The following FHAD1 variants were observed in gnomAD, a reference collection of about 807,000 sequenced individuals.
FHAD1 encodes the protein forkhead associated phosphopeptide binding domain 1.
In FHAD1, 146 loss-of-function variants were observed where a neutral mutation model predicts 191.3. The ratio of observed to expected loss-of-function variants is 0.76; its 90% CI spans 0.67 to 0.88. The LOEUF is 0.88. Among genes scored for constraint, FHAD1 ranks in the 40% least tolerant of loss-of-function variants. The pLI, the probability that FHAD1 is intolerant of heterozygous loss-of-function variation, is 0.00. For synonymous variants in FHAD1, 616 were observed against 672.3 expected (o/e 0.92, Z 1.29); for missense variants, 1,635 against 1,785.8 (o/e 0.92, Z 1.52).
At chr1:15,357,167 C>T (rs1395948526) in intron 20 of FHAD1, among the ~76,000 whole-genome samples, 1 of 152,170 alleles carries the variant, frequency 6.6e-6, no homozygotes, top group Admixed American at 6.5e-5. Flanking sequence ...AAGGTCACAG[C>T]AGTTTGCACC....
intron 15 of FHAD1, among the ~76,000 whole-genome samples, chr1:15,340,281 A>G (rs1686003413): frequency 6.6e-6 from 1 of 152,270 alleles, no homozygotes; most frequent in Non-Finnish European, 1.5e-5. Context: ...TTGCCATAAT[A>G]GTATTATATA....
At position 15,367,734 on chromosome 1, in the gene FHAD1, T is replaced by C. The variant is rs181010761; in HGVS notation, c.3314+112T>C. 975 of 837,894 alleles carry C rather than the reference T, an allele frequency of 1.2e-3. 4 individuals are homozygous for C. Among genetic ancestry groups the C allele is most frequent in the Non-Finnish European group, 1.5e-3 (839 of 546,232 alleles). The allele number at this position is 837,894 out of a possible 1,614,324, so 51.9% of individuals were successfully genotyped here. Reference sequence around the variant, plus strand: ...CTGCTTGAGGAGTTGAATGAATGAATGATATGTGTTTCATGGCTTGGCTTA... The same window carrying C: ...CTGCTTGAGGAGTTGAATGAATGAACGATATGTGTTTCATGGCTTGGCTTA... On this transcript the variant is annotated intron_variant, in intron 25 of 33. Transcript: ENST00000688493.
At chr1:15,321,788 T>C (rs1363033298) in intron 10 of FHAD1, among the ~76,000 whole-genome samples, 1 of 152,228 alleles carries the variant, frequency 6.6e-6, no homozygotes, top group Non-Finnish European at 1.5e-5. Flanking sequence ...ATTGTGCATG[T>C]TTGCATGCAC....
chr1:15,306,620 C>A (rs917051912), intron 6 of FHAD1, among the ~76,000 whole-genome samples: 5 of 152,192 alleles, frequency 3.3e-5, no homozygotes, highest in African/African-American at 1.2e-4. Flanking sequence ...TATATCCCAC[C>A]CACTCCAACC....
chr1:15,259,426 G>A (rs893590049), intron 2 of FHAD1, among the ~76,000 whole-genome samples: 1 of 152,096 alleles, frequency 6.6e-6, no homozygotes, highest in African/African-American at 2.4e-5. Flanking sequence ...CGGGGACGGT[G>A]GGGCTGAGTT....
At position 15,362,582 on chromosome 1, in the gene FHAD1, T is replaced by C. The variant is rs1169741188; in HGVS notation, c.2963-60T>C. 9.4e-6 allele frequency: 13 copies of C among 1,385,100 alleles called. No individual in the cohort carries two copies. In the Middle Eastern group the frequency reaches 7.0e-4, roughly 75 times the overall value. The allele number at this position is 1,385,100 out of a possible 1,614,324, so 85.8% of individuals were successfully genotyped here. A position where few individuals can be genotyped will look rare whatever the true frequency, so the allele number is the denominator to read the frequency against. On this transcript the variant is annotated intron_variant, in intron 22 of 33. Transcript: ENST00000688493. ...TAAGTTGTGAAAGACACAGGTGTGC[T>C]TGTAAGCAAAGGGGAAGGACAGTTT...
At chr1:15,304,676 C>T (rs556369149) in intron 6 of FHAD1, among the ~76,000 whole-genome samples, 4 of 152,212 alleles carry the variant, frequency 2.6e-5, no homozygotes, top group South Asian at 2.1e-4. Context: ...TCCAAGTTTC[C>T]GAAGTGGAGA....
At chr1:15,348,224 T>C (rs1284117343) in intron 18 of FHAD1, among the ~76,000 whole-genome samples, 1 of 152,240 alleles carries the variant, frequency 6.6e-6, no homozygotes, top group East Asian at 1.9e-4. Context: ...CTCAGCCATA[T>C]TCTGGATTAA....
intron 26 of FHAD1, among the ~76,000 whole-genome samples, chr1:15,372,473 TG>T (rs1698389778): frequency 6.6e-6 from 1 of 152,204 alleles, no homozygotes; most frequent in Non-Finnish European, 1.5e-5. Context: ...AGAGTATTTG[TG>T]CGCCTGTCTG....
At chr1:15,372,133 A>G (rs1392736384) in intron 26 of FHAD1, among the ~76,000 whole-genome samples, 1 of 148,922 alleles carries the variant, frequency 6.7e-6, no homozygotes, top group Non-Finnish European at 1.5e-5. Flanking sequence ...ACGCGGGGGC[A>G]TGGGGGTGGT....
In FHAD1 at chr1:15,397,084, G is replaced by A. The variant is rs59404071; in HGVS notation, c.4324-213G>A. Among the ~76,000 whole-genome samples, 1,151 of 150,862 alleles carry A rather than the reference G, an allele frequency of 7.6e-3. 16 individuals are homozygous for A. Among genetic ancestry groups the A allele is most frequent in the African/African-American group, 0.026 (1,070 of 41,202 alleles). On this transcript the variant is annotated intron_variant, in intron 33 of 33. Transcript: ENST00000688493. Reference sequence around the variant, plus strand: ...CGGGCGCCTGTAGTCCCAGCTACTCGGGAGGCTGAGGCAGGAGAATGGCAT... The same window carrying A: ...CGGGCGCCTGTAGTCCCAGCTACTCAGGAGGCTGAGGCAGGAGAATGGCAT...
At chr1:15,266,409 CT>C (rs112177423) in intron 2 of FHAD1, among the ~76,000 whole-genome samples, 3,061 of 140,428 alleles carry the variant, frequency 0.022, 91 homozygotes, top group African/African-American at 0.067. Context: ...CTGGCCTAGA[CT>C]TTTTTTTTTT....
rs143328382 is a variant in FHAD1, at chr1:15,311,282, G to T, written c.1040-1775G>T. On this transcript the variant is annotated intron_variant, in intron 7 of 33. Transcript: ENST00000688493. This position sits in a 1 kb window ranked among gnomAD's most constrained non-coding sequence, Gnocchi z 4.1. ...GCACCCCGGAGATCTCAGAGGGTCC[G>T]CCTCAAGTCTTCAGCAGAGTCAGGT... Among the ~76,000 whole-genome samples, 42 of 152,276 alleles carry T rather than the reference G, an allele frequency of 2.8e-4. No homozygotes were observed. The highest frequency in any genetic ancestry group is 4.9e-4 in the Non-Finnish European group (33 of 68,002).
rs959729617 is a variant in FHAD1 at position 15,311,835 on chromosome 1, A to G, written c.1040-1222A>G. Among the ~76,000 whole-genome samples, 3 of 152,186 alleles carry G rather than the reference A, an allele frequency of 2.0e-5. No homozygotes were observed. Among genetic ancestry groups the G allele is most frequent in the African/African-American group, 7.2e-5 (3 of 41,440 alleles). On this transcript the variant is annotated intron_variant, in intron 7 of 33. Transcript: ENST00000688493. The surrounding 1 kb of genome is among the most constrained non-coding windows in gnomAD (Gnocchi z 4.1). ...AAAAAGCAACAAATATGTTTATCTT[A>G]CCCGGTTTCTGTGGTTCAGGAACTT...
intron 12 of FHAD1, 22 bp from the exon 13 acceptor site, chr1:15,328,255 T>C (rs1574395240): frequency 4.1e-6 from 6 of 1,458,590 alleles, no homozygotes; most frequent in South Asian, 1.4e-5. Flanking sequence ...TTTTTTTTTT[T>C]CCTTTTTCTT....
In FHAD1 at chr1:15,312,594, C is replaced by G. The variant is rs970777197; in HGVS notation, c.1040-463C>G. Reference sequence around the variant, plus strand: ...GGAGGATCGCCTGAGTCCAGGAGGTCGAGGCTGTAGTGAACCATGATCGTG... The same window carrying G: ...GGAGGATCGCCTGAGTCCAGGAGGTGGAGGCTGTAGTGAACCATGATCGTG... On this transcript the variant is annotated intron_variant, in intron 7 of 33. Coordinates refer to ENST00000688493, the MANE Select transcript of FHAD1 (RefSeq NM_001391957.1). The surrounding 1 kb of genome is among the most constrained non-coding windows in gnomAD (Gnocchi z 4.7). 6.6e-6 allele frequency among the ~76,000 whole-genome samples: 1 copy of G among 152,118 alleles called. No homozygotes were observed. The highest frequency in any genetic ancestry group is 1.5e-5 in the Non-Finnish European group (1 of 68,036).
chr1:15,293,273 A>G (rs1480370159), intron 4 of FHAD1, among the ~76,000 whole-genome samples: 1 of 152,240 alleles, frequency 6.6e-6, no homozygotes, highest in Non-Finnish European at 1.5e-5. Flanking sequence ...CCCCAGAGGT[A>G]ACCACTCTTC....
intron 20 of FHAD1, among the ~76,000 whole-genome samples, chr1:15,356,316 A>G (rs951520610): frequency 1.3e-5 from 2 of 152,228 alleles, no homozygotes; most frequent in African/African-American, 4.8e-5. Context: ...AGTTAACAGG[A>G]TCGCAGTGTC....
Position 15,303,576 on chromosome 1 carries a change from G to A in FHAD1, c.915+2135G>A, listed in dbSNP as rs1429293039. ...ATAAATAATTACTCTGTAGCCGGGCGTGGTGGCTCACGCCTGTAATCCCAG... is the reference window on the plus strand; with the variant it reads ...ATAAATAATTACTCTGTAGCCGGGCATGGTGGCTCACGCCTGTAATCCCAG... On this transcript the variant is annotated intron_variant, in intron 6 of 33. Coordinates refer to ENST00000688493, the MANE Select transcript of FHAD1 (RefSeq NM_001391957.1). Among the ~76,000 whole-genome samples, 8 of 152,316 alleles carry A rather than the reference G, an allele frequency of 5.3e-5. No individual in the cohort carries two copies. The East Asian group carries it at 5.8e-4, about 11-fold the overall frequency.
Sources: allele counts gnomAD v4.1 joint callset (sites outside exome capture counted in the v4.1 genomes callset), GRCh38; gene constraint gnomAD v4.1.1; non-coding constraint Gnocchi (gnomAD v3.1); transcripts MANE v1.5; gene names NCBI Gene and HGNC (gene_info 2026-07-23, HGNC 2026-07-21).